Variants in NCR3LG1 observed in about 807,000 individuals in gnomAD.
NCR3LG1 encodes the protein natural cytotoxicity triggering receptor 3 ligand 1.
In NCR3LG1, 35 loss-of-function variants were observed where a neutral mutation model predicts 34.8. The ratio of observed to expected loss-of-function variants is 1.01; its 90% CI spans 0.77 to 1.33. NCR3LG1 has a LOEUF of 1.33. Among genes scored for constraint, NCR3LG1 ranks in the 40% most tolerant of loss-of-function variants. NCR3LG1 has a pLI of 0.00. For missense variants in NCR3LG1, 452 were observed against 423.3 expected (o/e 1.07, Z -0.60); for synonymous variants, 173 against 163.6 (o/e 1.06, Z -0.44).
chr11:17,358,101 C>T (rs539839288), intron 2 of NCR3LG1, among the ~76,000 whole-genome samples: 6 of 152,284 alleles, frequency 3.9e-5, no homozygotes, highest in South Asian at 2.1e-4. Context: ...ATATCACTCA[C>T]GCCCTGCATA....
At chr11:17,360,922 GA>G (rs1453155588) in intron 2 of NCR3LG1, among the ~76,000 whole-genome samples, 3 of 152,074 alleles carry the variant, frequency 2.0e-5, no homozygotes, top group Non-Finnish European at 4.4e-5. Flanking sequence ...TTTTTGTAGA[GA>G]TAGAGTTTCG....
intron 2 of NCR3LG1, 108 bp downstream of exon 2, chr11:17,357,109 G>T: frequency 1.3e-6 from 1 of 749,878 alleles, no homozygotes; most frequent in Non-Finnish European, 2.1e-6. Context: ...AAAATGGTCT[G>T]ATAATACATG....
downstream of NCR3LG1, among the ~76,000 whole-genome samples, chr11:17,380,050 A>T (rs1953505765): frequency 6.6e-6 from 1 of 152,146 alleles, no homozygotes. Context: ...TTGGGAGCTG[A>T]TGCTGGAATA....
At chr11:17,354,372 G>A (rs976017413) in intron 1 of NCR3LG1, among the ~76,000 whole-genome samples, 6 of 152,328 alleles carry the variant, frequency 3.9e-5, no homozygotes, top group African/African-American at 1.4e-4. Flanking sequence ...CTGGGTGAGC[G>A]CTTGGGCGCT....
At chr11:17,359,009 G>A (rs1953241288) in intron 2 of NCR3LG1, among the ~76,000 whole-genome samples, 1 of 151,676 alleles carries the variant, frequency 6.6e-6, no homozygotes, top group Admixed American at 6.6e-5. Context: ...TTACATTTTG[G>A]CACTATAAGA....
At chr11:17,365,363 A>G (rs1055598904) in intron 2 of NCR3LG1, among the ~76,000 whole-genome samples, 2 of 152,136 alleles carry the variant, frequency 1.3e-5, no homozygotes, top group Non-Finnish European at 2.9e-5. Context: ...ATCTTCTGTT[A>G]TTATACTGGA....
downstream of NCR3LG1, among the ~76,000 whole-genome samples, chr11:17,379,327 C>T (rs148662689): frequency 2.4e-4 from 37 of 152,298 alleles, no homozygotes; most frequent in East Asian, 7.1e-3. Flanking sequence ...AGAAAACAAA[C>T]CCTTTATGAT....
chr11:17,352,646 TC>T (rs1953151665), intron 1 of NCR3LG1, among the ~76,000 whole-genome samples: 1 of 152,082 alleles, frequency 6.6e-6, no homozygotes, highest in South Asian at 2.1e-4. Flanking sequence ...TCTCGCATCA[TC>T]CGAGGGGCCG....
At chr11:17,362,732 CTTTCTTTCTTTCTTTCTT>C (rs1953289813) in intron 2 of NCR3LG1, among the ~76,000 whole-genome samples, 1 of 102,658 alleles carries the variant, frequency 9.7e-6, no homozygotes, top group African/African-American at 5.8e-5. Context: ...TTCTTTCTTT[CTTTCTTTCTTTCTTTCTT>C]TCTTTCTTTC....
intron 2 of NCR3LG1, among the ~76,000 whole-genome samples, chr11:17,363,524 C>CT (rs750546007): frequency 0.057 from 5,026 of 88,830 alleles, 260 homozygotes; most frequent in Middle Eastern, 0.077. Context: ...CCCTCCCTCC[C>CT]TCCCTCCCTC....
rs1953433088 is a variant in NCR3LG1 at position 17,373,250 on chromosome 11, G to C, written c.*738G>C. 6.6e-6 allele frequency: 1 copy of C among 152,286 alleles called. No individual in the cohort carries two copies. Among genetic ancestry groups the C allele is most frequent in the African/African-American group, 2.4e-5 (1 of 41,448 alleles). 9.4% of individuals were successfully genotyped at this position (152,286 alleles called of 1,614,324 possible). A position where few individuals can be genotyped will look rare whatever the true frequency, so the allele number is the denominator to read the frequency against. On this transcript the variant is annotated 3_prime_UTR_variant, in exon 5 of 5. Coordinates refer to ENST00000338965, the MANE Select transcript of NCR3LG1 (RefSeq NM_001202439.3). Reference sequence around the variant, plus strand: ...GGACCAGGAGGAGGCCCAGGGGAAGGAGAGGAAACACAAGAAAAAGGCAGA... The same window carrying C: ...GGACCAGGAGGAGGCCCAGGGGAAGCAGAGGAAACACAAGAAAAAGGCAGA...
chr11:17,378,973 A>G (rs1378528070), downstream of NCR3LG1, among the ~76,000 whole-genome samples: 1 of 152,170 alleles, frequency 6.6e-6, no homozygotes, highest in Non-Finnish European at 1.5e-5. Context: ...CTGCATGCAC[A>G]CTGGGAGGAT....
chr11:17,351,965 C>G lies in NCR3LG1; in HGVS notation c.-5C>G. 2 of 1,401,318 alleles carry G rather than the reference C, an allele frequency of 1.4e-6. No individual in the cohort carries two copies. The highest frequency in any genetic ancestry group is 1.9e-6 in the Non-Finnish European group (2 of 1,062,090). 86.8% of individuals were successfully genotyped at this position (1,401,318 alleles called of 1,614,324 possible). A position where few individuals can be genotyped will look rare whatever the true frequency, so the allele number is the denominator to read the frequency against. ...GAAAAAAATTACACAACAGCAGCCG[C>G]GGCGATGACGTGGAGGGCTGCCGCC... On this transcript the variant is annotated 5_prime_UTR_variant, in exon 1 of 5. Coordinates refer to ENST00000338965, the MANE Select transcript of NCR3LG1 (RefSeq NM_001202439.3).
intron 2 of NCR3LG1, among the ~76,000 whole-genome samples, chr11:17,358,219 C>T (rs993800408): frequency 2.6e-5 from 4 of 152,102 alleles, no homozygotes; most frequent in Non-Finnish European, 5.9e-5. Context: ...ATTCATATTT[C>T]CTTAGTTTTT....
chr11:17,358,923 TTTA>T (rs1301752451), intron 2 of NCR3LG1, among the ~76,000 whole-genome samples: 2 of 152,226 alleles, frequency 1.3e-5, no homozygotes, highest in African/African-American at 4.8e-5. Flanking sequence ...TTTGTTTTGT[TTTA>T]TTATTTTATT....
chr11:17,369,118 T>G (rs1324738510), intron 4 of NCR3LG1, among the ~76,000 whole-genome samples, 154 bp downstream of exon 4: 1 of 152,232 alleles, frequency 6.6e-6, no homozygotes, highest in Non-Finnish European at 1.5e-5. Flanking sequence ...GAATGTTGGC[T>G]GTGTTCCAAT....
downstream of NCR3LG1, among the ~76,000 whole-genome samples, chr11:17,377,544 A>G (rs1300132897): frequency 6.6e-6 from 1 of 152,216 alleles, no homozygotes; most frequent in African/African-American, 2.4e-5. Flanking sequence ...CTCATTTAGC[A>G]TGTAAAATTC....
chr11:17,355,687 C>T (rs1007889620), intron 1 of NCR3LG1, among the ~76,000 whole-genome samples: 1 of 152,158 alleles, frequency 6.6e-6, no homozygotes, highest in Non-Finnish European at 1.5e-5. Flanking sequence ...TGTGGATGAT[C>T]TGGTTTCTGG....
chr11:17,366,325 GAGAA>G (rs2133356872), intron 2 of NCR3LG1, among the ~76,000 whole-genome samples: 1 of 152,282 alleles, frequency 6.6e-6, no homozygotes, highest in Non-Finnish European at 1.5e-5. Context: ...AGGAGAGAGA[GAGAA>G]AGAGACAGTC....
Sources: allele counts gnomAD v4.1 joint callset (sites outside exome capture counted in the v4.1 genomes callset), GRCh38; gene constraint gnomAD v4.1.1; transcripts MANE v1.5; gene names NCBI Gene and HGNC (gene_info 2026-07-23, HGNC 2026-07-21).